Variants in VPS13A observed in about 807,000 individuals in gnomAD.
VPS13A encodes vacuolar protein sorting 13 homolog A.
In VPS13A, 264 loss-of-function variants were observed where a neutral mutation model predicts 390.9. That is an observed-to-expected ratio of 0.68 (90% confidence interval 0.61 to 0.75). The LOEUF (loss-of-function observed/expected upper bound fraction) is 0.75. VPS13A is among the 30% of genes least tolerant of loss of function. The probability of loss-of-function intolerance (pLI) is 0.00; values close to 1 mark genes in which losing one functional copy is unlikely to be tolerated. For synonymous variants in VPS13A, 1,231 were observed against 1,227.1 expected, an observed-to-expected ratio of 1.00 and a Z score of -0.07; for missense variants, 3,409 against 3,733.9, an observed-to-expected ratio of 0.91 and a Z score of 2.27.
intron 35 of VPS13A, among the ~76,000 whole-genome samples, chr9:77,312,586 C>T (rs1211015381): frequency 6.6e-6 from 1 of 151,854 alleles, no homozygotes; most frequent in Non-Finnish European, 1.5e-5. Flanking sequence ...GCCACCATGC[C>T]TGGCTAATTT....
intron 54 of VPS13A, 128 bp downstream of exon 54, chr9:77,353,769 T>C (rs1318022102): frequency 1.1e-6 from 1 of 939,170 alleles, no homozygotes; most frequent in African/African-American, 1.7e-5. Flanking sequence ...ACTGTGGTAG[T>C]GCTAGTTTTA....
rs1208597013 is a variant in VPS13A, at chr9:77,419,630, C to G, written c.*3624C>G. 6.6e-6 allele frequency: 1 copy of G among 152,144 alleles called. No individual in the cohort carries two copies. The allele number at this position is 152,144 out of a possible 1,614,324, so 9.4% of individuals were successfully genotyped here. A position where few individuals can be genotyped will look rare whatever the true frequency, so the allele number is the denominator to read the frequency against. On this transcript the variant is annotated 3_prime_UTR_variant, in exon 72 of 72. Coordinates refer to ENST00000360280, the MANE Select transcript of VPS13A (RefSeq NM_033305.3). ...TCTTCTCTGCTGTGTATCGGGCAACCTCACATGATTCAGTGGGACCAGAAA... is the reference window on the plus strand; with the variant it reads ...TCTTCTCTGCTGTGTATCGGGCAACGTCACATGATTCAGTGGGACCAGAAA...
chr9:77,326,908 C>T (rs1456410787), intron 45 of VPS13A, among the ~76,000 whole-genome samples: 1 of 152,082 alleles, frequency 6.6e-6, no homozygotes, highest in African/African-American at 2.4e-5. Flanking sequence ...AGGGAGGGGA[C>T]ACTCAGTTTT....
intron 14 of VPS13A, 93 bp downstream of exon 14, chr9:77,226,081 G>A (rs1823490339): frequency 8.1e-7 from 1 of 1,232,136 alleles, no homozygotes. Context: ...GTAACATATT[G>A]TTTCCAAAAA....
rs572561132 is a variant in VPS13A at position 77,412,242 on chromosome 9, T to G, written c.9475-3714T>G. Among the ~76,000 whole-genome samples, 718 of 152,342 alleles carry G rather than the reference T, an allele frequency of 4.7e-3. 3 individuals carry two copies. The highest frequency in any genetic ancestry group is 0.016 in the African/African-American group (679 of 41,576). Reference sequence around the variant, plus strand: ...AGAGGGAATCCTCCCTAACTCATTTTATGAAGCCAGCATCATCCTGATACC... The same window carrying G: ...AGAGGGAATCCTCCCTAACTCATTTGATGAAGCCAGCATCATCCTGATACC... On this transcript the variant is annotated intron_variant, in intron 71 of 71. Coordinates refer to ENST00000360280, the MANE Select transcript of VPS13A (RefSeq NM_033305.3).
chr9:77,193,873 G>A (rs938785949), intron 1 of VPS13A, among the ~76,000 whole-genome samples: 2 of 152,116 alleles, frequency 1.3e-5, no homozygotes, highest in Non-Finnish European at 2.9e-5. Context: ...TAGTCGACTG[G>A]CATAGTTTCT....
Position 77,417,614 on chromosome 9 carries a change from C to CTT in VPS13A, c.*1609_*1610dup, listed in dbSNP as rs1241599831. On this transcript the variant is annotated 3_prime_UTR_variant, in exon 72 of 72. Transcript: ENST00000360280. ...CAGTTTTGCTTTTGTCAGAATTAAA[C>CTT]TTAACAGTAGAGGTAGTCAGAAAGC... 1 of 151,856 alleles carries CTT rather than the reference C, an allele frequency of 6.6e-6. No individual in the cohort carries two copies. The highest frequency in any genetic ancestry group is 1.5e-5 in the Non-Finnish European group (1 of 67,986). The allele number at this position is 151,856 out of a possible 1,614,324, so 9.4% of individuals were successfully genotyped here.
At position 77,332,058 on chromosome 9, in the gene VPS13A, T is replaced by C. The variant is rs749897526; in HGVS notation, c.6040T>C (p.Leu2014=). 5.6e-6 allele frequency: 9 copies of C among 1,612,334 alleles called. No individual in the cohort carries two copies. In the South Asian group the frequency reaches 8.8e-5, roughly 16 times the overall value. Residue 2014 remains leucine, a synonymous_variant, in exon 46 of 72, where the codon TTA becomes CTA. Transcript: ENST00000360280. ...VPLSVYEGDT[L]LGTASPENEF... is the part of the protein sequence containing the mutation. ...ACTGTCTGTTTACGAAGGGGATACC[T>C]TATTGGGAACTGCCTCACCTGAAAA...
At chr9:77,303,736 A>C (rs1440954038) in intron 34 of VPS13A, among the ~76,000 whole-genome samples, 2 of 152,216 alleles carry the variant, frequency 1.3e-5, no homozygotes, top group Admixed American at 6.5e-5. Flanking sequence ...AGGTACCATG[A>C]GTGGACGTGC....
At chr9:77,220,620 A>G (rs1004189922) in intron 12 of VPS13A, among the ~76,000 whole-genome samples, 1 of 152,074 alleles carries the variant, frequency 6.6e-6, no homozygotes, top group Non-Finnish European at 1.5e-5. Flanking sequence ...CATAGTTTTC[A>G]TTTACTATGG....
At chr9:77,251,101 ATTTC>A (rs1377662945) in intron 21 of VPS13A, among the ~76,000 whole-genome samples, 1 of 152,204 alleles carries the variant, frequency 6.6e-6, no homozygotes, top group African/African-American at 2.4e-5. Flanking sequence ...GAAACATTTT[ATTTC>A]TTCAATTATA....
Position 77,417,912 on chromosome 9 carries a change from C to T in VPS13A, c.*1906C>T, listed in dbSNP as rs1197013821. The T allele has an allele frequency of 2.0e-5, 3 of 152,114 alleles. No individual in the cohort carries two copies. Among genetic ancestry groups the T allele is most frequent in the South Asian group, 2.1e-4 (1 of 4,820 alleles). The allele number at this position is 152,114 out of a possible 1,614,324, so 9.4% of individuals were successfully genotyped here. ...TGAAATCTCTCCTTTCCCTGCCACT[C>T]GTTTACTCATCACCTCCTCCCATCA... On this transcript the variant is annotated 3_prime_UTR_variant, in exon 72 of 72. Transcript: ENST00000360280.
intron 71 of VPS13A, among the ~76,000 whole-genome samples, chr9:77,408,454 G>A (rs1834734246): frequency 6.6e-6 from 1 of 152,248 alleles, no homozygotes. Context: ...GCAGGACAGT[G>A]GGTGCAGCGC....
At chr9:77,365,602 G>C (rs1832387778) in intron 60 of VPS13A, 29 bp downstream of exon 60, 10 of 1,391,262 alleles carry the variant, frequency 7.2e-6, no homozygotes, top group Non-Finnish European at 1.0e-5. Flanking sequence ...TATTGTCCTT[G>C]ATAATCTAGG....
At chr9:77,283,737 C>G in intron 31 of VPS13A, 87 bp downstream of exon 31, 1 of 1,134,774 alleles carries the variant, frequency 8.8e-7, no homozygotes, top group East Asian at 2.6e-5. Flanking sequence ...GGACATTTGT[C>G]AGAATTTAGT....
chr9:77,414,488 G>A (rs1835079692), intron 71 of VPS13A, among the ~76,000 whole-genome samples: 1 of 151,198 alleles, frequency 6.6e-6, no homozygotes, highest in East Asian at 2.0e-4. Flanking sequence ...CTATCACAAG[G>A]ACAAAAAACC....
At chr9:77,187,952 C>A (rs1447084006) in intron 1 of VPS13A, among the ~76,000 whole-genome samples, 1 of 152,152 alleles carries the variant, frequency 6.6e-6, no homozygotes, top group Non-Finnish European at 1.5e-5. Context: ...CATGTCCCCA[C>A]CAAGTCTCAT....
At chr9:77,227,704 T>G (rs957543649) in intron 16 of VPS13A, among the ~76,000 whole-genome samples, 1 of 146,578 alleles carries the variant, frequency 6.8e-6, no homozygotes, top group African/African-American at 2.5e-5. Flanking sequence ...TTTTTTTTGT[T>G]TTTTTTTTTT....
In VPS13A at chr9:77,399,046, T is replaced by C. The variant is rs373617134; in HGVS notation, c.9190-4190T>C. Among the ~76,000 whole-genome samples the C allele has an allele frequency of 2.7e-3, 377 of 138,058 alleles. 2 individuals are homozygous for C. The highest frequency in any genetic ancestry group is 9.8e-3 in the African/African-American group (365 of 37,378). The allele number at this position is 138,058 out of a possible 152,430, so 90.6% of individuals were successfully genotyped here. ...GTCGGGGGAGGGGGGAGGGATAGCA[T>C]TGGGAGATATACCTAATGCTAGATG... On this transcript the variant is annotated intron_variant, in intron 68 of 71. Transcript: ENST00000360280.
Sources: gnomAD v4.1 joint callset for allele counts (sites outside exome capture counted in the v4.1 genomes callset) on GRCh38, gnomAD v4.1.1 for gene constraint, MANE v1.5 for transcripts, NCBI Gene and HGNC (gene_info 2026-07-23, HGNC 2026-07-21) for gene names.